ATP8B4: variants seen among roughly 807,000 people sequenced by gnomAD.
ATP8B4 encodes the protein ATPase phospholipid transporting 8B4 (putative).
In ATP8B4, 133 loss-of-function variants were observed where a neutral mutation model predicts 145.6. That is an observed-to-expected ratio of 0.91 (90% CI 0.79 to 1.05). The LOEUF (loss-of-function observed/expected upper bound fraction) is 1.05, where lower values mean the gene tolerates loss of function less well. Among genes scored for constraint, ATP8B4 ranks in the 50% least tolerant of loss-of-function variants. The pLI, the probability that ATP8B4 is intolerant of heterozygous loss-of-function variation, is 0.00. For missense variants in ATP8B4, 1,458 were observed against 1,425.2 expected, an observed-to-expected ratio of 1.02 and a Z score of -0.37; for synonymous variants, 507 against 492.9, an observed-to-expected ratio of 1.03 and a Z score of -0.38.
chr15:50,085,762 A>G (rs559468229), intron 2 of ATP8B4, among the ~76,000 whole-genome samples: 2 of 148,210 alleles, frequency 1.3e-5, no homozygotes, highest in African/African-American at 5.0e-5. Flanking sequence ...ATGTATATGT[A>G]TATGCATATG....
chr15:50,071,472 A>G (rs774229372), intron 3 of ATP8B4, among the ~76,000 whole-genome samples: 6 of 152,248 alleles, frequency 3.9e-5, no homozygotes, highest in Non-Finnish European at 8.8e-5. Context: ...CATATTGGAA[A>G]ACAAGTAAAC....
intron 6 of ATP8B4, among the ~76,000 whole-genome samples, chr15:50,012,355 C>G (rs960823152): frequency 2.6e-5 from 4 of 152,170 alleles, no homozygotes; most frequent in Non-Finnish European, 5.9e-5. Flanking sequence ...GCCTTGAAGT[C>G]TCTACTGAAA....
intron 1 of ATP8B4, among the ~76,000 whole-genome samples, chr15:50,139,958 G>A (rs1294619573): frequency 1.3e-5 from 2 of 152,126 alleles, no homozygotes; most frequent in African/African-American, 4.8e-5. Flanking sequence ...TAAATGGGAG[G>A]TAAGCTATGA....
intron 13 of ATP8B4, among the ~76,000 whole-genome samples, chr15:49,966,955 C>T (rs945634187): frequency 1.1e-4 from 16 of 152,146 alleles, no homozygotes; most frequent in African/African-American, 2.4e-4. Context: ...CTGCAGCCTC[C>T]GCTGGTGATA....
intron 10 of ATP8B4, among the ~76,000 whole-genome samples, chr15:49,982,966 C>T (rs563868488): frequency 6.6e-6 from 1 of 152,226 alleles, no homozygotes; most frequent in East Asian, 1.9e-4. Context: ...ATAATATTCT[C>T]CTGCTTTCCT....
intron 2 of ATP8B4, among the ~76,000 whole-genome samples, chr15:50,102,880 A>C (rs137994710): frequency 2.5e-3 from 382 of 152,274 alleles, no homozygotes; most frequent in African/African-American, 8.8e-3. Context: ...CAACATATCA[A>C]AAAGATTCTC....
In ATP8B4 at chr15:50,048,269, CG is replaced by C. The variant is rs199522087; in HGVS notation, c.88-806del. 7.2e-5 allele frequency among the ~76,000 whole-genome samples: 11 copies of C among 152,018 alleles called. No homozygotes were observed. The East Asian group carries it at 9.7e-4, about 13-fold the overall frequency. ...TATTAATGCCATTTCTAATGCTTGT[CG>C]GGGGGCACTTAGTCATATGTGGGTA... On this transcript the variant is annotated intron_variant, in intron 3 of 27. Transcript: ENST00000284509.
At chr15:49,915,834 G>GT (rs76351737) in intron 20 of ATP8B4, among the ~76,000 whole-genome samples, 33,976 of 141,458 alleles carry the variant, frequency 0.24, 5,603 homozygotes, top group African/African-American at 0.48. Context: ...GATATAGCAG[G>GT]TTTTTTTTTT....
At chr15:50,113,453 G>A (rs1785953861) in intron 1 of ATP8B4, 1 of 152,210 alleles carries the variant, frequency 6.6e-6, no homozygotes, top group Non-Finnish European at 1.5e-5. Context: ...AGTGCTTGTA[G>A]ATTGTAGGAA....
At chr15:50,134,993 C>G (rs2044102371) in intron 1 of ATP8B4, among the ~76,000 whole-genome samples, 1 of 152,168 alleles carries the variant, frequency 6.6e-6, no homozygotes, top group African/African-American at 2.4e-5. Flanking sequence ...ACTCTCACAG[C>G]AGTAAAACAA....
intron 3 of ATP8B4, among the ~76,000 whole-genome samples, chr15:50,063,503 G>A (rs1324491771): frequency 6.6e-6 from 1 of 152,076 alleles, no homozygotes; most frequent in Non-Finnish European, 1.5e-5. Flanking sequence ...GACAGAGTAA[G>A]TGCCTATTAT....
chr15:49,998,936 C>A (rs2047658216), intron 8 of ATP8B4, among the ~76,000 whole-genome samples: 2 of 152,078 alleles, frequency 1.3e-5, no homozygotes, highest in South Asian at 4.1e-4. Context: ...AGGAAGGGAT[C>A]CAGTTTCAGC....
intron 12 of ATP8B4, among the ~76,000 whole-genome samples, chr15:49,974,421 G>T (rs1185244848): frequency 6.6e-6 from 1 of 150,388 alleles, no homozygotes; most frequent in Admixed American, 6.6e-5. Flanking sequence ...TAGAGACAGG[G>T]TCTTGCTATG....
chr15:50,097,269 T>C (rs1433824766), intron 2 of ATP8B4, among the ~76,000 whole-genome samples: 3 of 152,176 alleles, frequency 2.0e-5, no homozygotes, highest in African/African-American at 7.2e-5. Context: ...ATCTTTTTTA[T>C]CACCCTCTAT....
At chr15:49,973,460 A>G (rs922661768) in intron 12 of ATP8B4, among the ~76,000 whole-genome samples, 4 of 152,188 alleles carry the variant, frequency 2.6e-5, no homozygotes, top group African/African-American at 9.7e-5. Flanking sequence ...CATTCTCTCC[A>G]ATACATTGTT....
chr15:49,905,745 AT>A (rs1183340489), intron 20 of ATP8B4, among the ~76,000 whole-genome samples: 5 of 152,124 alleles, frequency 3.3e-5, no homozygotes, highest in African/African-American at 9.6e-5. Flanking sequence ...AAAAAAGATA[AT>A]TTTTTTAGCT....
chr15:50,086,357 ATATT>A (rs1206384008), intron 2 of ATP8B4, among the ~76,000 whole-genome samples: 2 of 54,688 alleles, frequency 3.7e-5, no homozygotes, highest in East Asian at 8.8e-4. Context: ...ATAGAGATCT[ATATT>A]TATTATATAT....
At chr15:50,021,133 T>C (rs2049524735) in intron 6 of ATP8B4, among the ~76,000 whole-genome samples, 3 of 133,252 alleles carry the variant, frequency 2.3e-5, no homozygotes, top group Admixed American at 2.2e-4. Context: ...GATAGATAGA[T>C]AGATAGATAG....
chr15:50,138,613 A>G (rs1299236454), intron 1 of ATP8B4, among the ~76,000 whole-genome samples: 3 of 152,204 alleles, frequency 2.0e-5, no homozygotes, highest in Non-Finnish European at 4.4e-5. Context: ...TACTGGAATT[A>G]TACAATGCCA....
Sources: allele counts gnomAD v4.1 joint callset (sites outside exome capture counted in the v4.1 genomes callset), GRCh38; gene constraint gnomAD v4.1.1; transcripts MANE v1.5; gene names NCBI Gene and HGNC (gene_info 2026-07-23, HGNC 2026-07-21).